The following PDE3B variants were observed in gnomAD, a reference collection of about 807,000 sequenced individuals.
PDE3B encodes phosphodiesterase 3B.
PDE3B carries 66 observed loss-of-function variants against 116.8 expected under a neutral mutation model. The ratio of observed to expected loss-of-function variants is 0.56; its 90% CI spans 0.46 to 0.69. The LOEUF (loss-of-function observed/expected upper bound fraction) is 0.69, where lower values mean the gene tolerates loss of function less well. Among genes scored for constraint, PDE3B ranks in the 30% least tolerant of loss-of-function variants. The pLI, the probability that PDE3B is intolerant of heterozygous loss-of-function variation, is 0.00. For synonymous variants in PDE3B, 595 were observed against 533.6 expected, an observed-to-expected ratio of 1.12 and a Z score of -1.59; for missense variants, 1,384 against 1,368.1, an observed-to-expected ratio of 1.01 and a Z score of -0.18.
chr11:14,713,289 A>G (rs568673861), intron 1 of PDE3B, among the ~76,000 whole-genome samples: 2 of 152,212 alleles, frequency 1.3e-5, no homozygotes, highest in African/African-American at 4.8e-5. Flanking sequence ...TGTGATGGTT[A>G]ATTTTATGTG....
At chr11:14,859,454 A>G (rs2133989730) in intron 13 of PDE3B, among the ~76,000 whole-genome samples, 1 of 152,184 alleles carries the variant, frequency 6.6e-6, no homozygotes. Context: ...TGCTTGTTAT[A>G]TTTTCTTTCG....
At chr11:14,855,253 GCTCA>G (rs1211805174) in intron 12 of PDE3B, among the ~76,000 whole-genome samples, 5 of 151,914 alleles carry the variant, frequency 3.3e-5, no homozygotes, top group African/African-American at 1.2e-4. Context: ...GATTGAAGGG[GCTCA>G]CTAAGTGCCA....
intron 1 of PDE3B, among the ~76,000 whole-genome samples, chr11:14,766,566 T>G (rs1033873451): frequency 6.6e-6 from 1 of 151,754 alleles, no homozygotes; most frequent in Non-Finnish European, 1.5e-5. Flanking sequence ...AGATGTATAC[T>G]CTGTATCCAA....
chr11:14,768,872 G>A (rs1296936163), intron 1 of PDE3B, among the ~76,000 whole-genome samples: 1 of 151,554 alleles, frequency 6.6e-6, no homozygotes, highest in Admixed American at 6.6e-5. Context: ...GCTCTAAGAT[G>A]TGTACCTAGC....
At chr11:14,725,295 TTCTTTCTTTCTTTC>T (rs1326139080) in intron 1 of PDE3B, among the ~76,000 whole-genome samples, 165 of 130,236 alleles carry the variant, frequency 1.3e-3, no homozygotes, top group African/African-American at 4.3e-3. Flanking sequence ...TTCTTTTTCT[TTCTTTCTTTCTTTC>T]TCTTTCTTTC....
intron 1 of PDE3B, among the ~76,000 whole-genome samples, chr11:14,669,338 G>A (rs1020617777): frequency 6.6e-6 from 1 of 152,064 alleles, no homozygotes; most frequent in Non-Finnish European, 1.5e-5. Context: ...TCCATTGGTT[G>A]ACTCCACCCC....
At chr11:14,678,793 A>G (rs1481749734) in intron 1 of PDE3B, among the ~76,000 whole-genome samples, 1 of 152,128 alleles carries the variant, frequency 6.6e-6, no homozygotes, top group Non-Finnish European at 1.5e-5. Flanking sequence ...TTTGTTTTAT[A>G]AGTTCTTTTG....
intron 1 of PDE3B, among the ~76,000 whole-genome samples, chr11:14,755,788 A>G (rs1857165454): frequency 6.6e-6 from 1 of 152,212 alleles, no homozygotes; most frequent in Non-Finnish European, 1.5e-5. Context: ...CCTACATAAT[A>G]ACCTTGATTT....
intron 1 of PDE3B, among the ~76,000 whole-genome samples, chr11:14,738,944 C>G (rs951597064): frequency 6.6e-6 from 1 of 152,212 alleles, no homozygotes; most frequent in Non-Finnish European, 1.5e-5. Flanking sequence ...GGCTCCTGCT[C>G]TGTTCCATTG....
chr11:14,730,112 A>T (rs1359847670), intron 1 of PDE3B, among the ~76,000 whole-genome samples: 1 of 152,170 alleles, frequency 6.6e-6, no homozygotes, highest in Non-Finnish European at 1.5e-5. Context: ...ACGTTAGCCA[A>T]TGAATGCTGT....
intron 5 of PDE3B, among the ~76,000 whole-genome samples, chr11:14,817,706 A>C (rs1372736832): frequency 1.3e-5 from 2 of 152,170 alleles, no homozygotes; most frequent in African/African-American, 4.8e-5. Flanking sequence ...ACTGGAATCC[A>C]GCCTGGGCAA....
the PDE3B span, among the ~76,000 whole-genome samples, chr11:14,882,236 G>A: frequency 2.0e-5 from 3 of 152,120 alleles, no homozygotes; most frequent in African/African-American, 4.8e-5. Context: ...CTCTCACAGA[G>A]CTTAGACACT....
chr11:14,789,821 G>A (rs2133919699), intron 4 of PDE3B, among the ~76,000 whole-genome samples: 1 of 152,096 alleles, frequency 6.6e-6, no homozygotes, highest in South Asian at 2.1e-4. Context: ...GAAAATGCAG[G>A]AGCTGAAATC....
chr11:14,788,848 A>C (rs990164491), intron 3 of PDE3B: 4 of 255,858 alleles, frequency 1.6e-5, no homozygotes, highest in African/African-American at 8.9e-5. Context: ...ACAAGTAGTA[A>C]AATGTACAAA....
At chr11:14,778,496 T>C (rs954309378) in intron 2 of PDE3B, among the ~76,000 whole-genome samples, 1 of 152,170 alleles carries the variant, frequency 6.6e-6, no homozygotes, top group Admixed American at 6.5e-5. Context: ...GCAGCAACAT[T>C]TGCCTTTCTG....
intron 1 of PDE3B, among the ~76,000 whole-genome samples, chr11:14,679,060 A>G (rs935218860): frequency 2.6e-5 from 4 of 152,168 alleles, no homozygotes; most frequent in Admixed American, 2.0e-4. Context: ...TTAATTTGCT[A>G]TATTTATGCA....
chr11:14,666,136 A>G (rs1296093059), intron 1 of PDE3B, among the ~76,000 whole-genome samples: 2 of 149,164 alleles, frequency 1.3e-5, no homozygotes, highest in African/African-American at 4.9e-5. Flanking sequence ...CCGCATATCT[A>G]CAACTATCTG....
chr11:14,660,345 A>G (rs1318440892), intron 1 of PDE3B, among the ~76,000 whole-genome samples: 1 of 146,056 alleles, frequency 6.8e-6, no homozygotes, highest in African/African-American at 2.6e-5. Context: ...CCTGTTGCCC[A>G]GGCTGGAGTG....
chr11:14,669,544 A>G (rs1854301607), intron 1 of PDE3B, among the ~76,000 whole-genome samples: 1 of 256 alleles, frequency 3.9e-3, no homozygotes, highest in Non-Finnish European at 0.014. Flanking sequence ...TACATGTGCC[A>G]TGTTGGGTGT....
Sources: gnomAD v4.1 joint callset for allele counts (sites outside exome capture counted in the v4.1 genomes callset) on GRCh38, gnomAD v4.1.1 for gene constraint, MANE v1.5 for transcripts, NCBI Gene and HGNC (gene_info 2026-07-23, HGNC 2026-07-21) for gene names.